TRERF1: variants seen among roughly 807,000 people sequenced by gnomAD.
TRERF1 encodes transcriptional-regulating factor 1.
A neutral mutation model predicts 122.9 loss-of-function variants in TRERF1; 27 were observed. The observed-to-expected ratio is 0.22, with a 90% CI of 0.16 to 0.30. The LOEUF (loss-of-function observed/expected upper bound fraction) is 0.30, where lower values mean the gene tolerates loss of function less well. Among genes scored for constraint, TRERF1 ranks in the 10% least tolerant of loss-of-function variants. TRERF1 has a pLI of 1.00. For missense variants in TRERF1, 1,248 were observed against 1,560.3 expected (o/e 0.80, Z 3.37); for synonymous variants, 636 against 641.7 (o/e 0.99, Z 0.13).
chr6:42,343,676 G>A (rs1296041185), intron 3 of TRERF1, among the ~76,000 whole-genome samples: 1 of 152,208 alleles, frequency 6.6e-6, no homozygotes, highest in African/African-American at 2.4e-5. Context: ...GAGAACTTCT[G>A]GAAGGAGGCA....
At chr6:42,423,792 C>T (rs1404362663) in intron 2 of TRERF1, among the ~76,000 whole-genome samples, 1 of 152,112 alleles carries the variant, frequency 6.6e-6, no homozygotes, top group Admixed American at 6.5e-5. Flanking sequence ...AAGCTGACTC[C>T]TCCTTGATCC....
chr6:42,322,588 C>CA (rs900629255), intron 3 of TRERF1, among the ~76,000 whole-genome samples: 1 of 151,914 alleles, frequency 6.6e-6, no homozygotes, highest in Non-Finnish European at 1.5e-5. Flanking sequence ...AGAGAACGAT[C>CA]AAAAGAGTTT....
exon 18 of TRERF1, chr6:42,227,201 G>C (rs1335399879): frequency 6.6e-6 from 1 of 152,196 alleles, no homozygotes; most frequent in Non-Finnish European, 1.5e-5. Context: ...TTATAGCTAA[G>C]GTGTATCTGA....
chr6:42,265,875 G>T, intron 5 of TRERF1, 78 bp from the exon 6 acceptor site: 1 of 1,436,518 alleles, frequency 7.0e-7, no homozygotes, highest in Non-Finnish European at 9.7e-7. Context: ...CTCGAGCAGT[G>T]GGAACACCAG....
chr6:42,338,843 C>T (rs1403363308), intron 3 of TRERF1, among the ~76,000 whole-genome samples: 1 of 152,204 alleles, frequency 6.6e-6, no homozygotes, highest in African/African-American at 2.4e-5. Context: ...TTCTCAGGAA[C>T]GTGAGCTTTT....
intron 3 of TRERF1, among the ~76,000 whole-genome samples, chr6:42,327,120 C>T (rs1718913391): frequency 1.3e-5 from 2 of 152,186 alleles, no homozygotes; most frequent in Non-Finnish European, 2.9e-5. Context: ...AAACTTAATA[C>T]CACCAGGATA....
chr6:42,378,458 A>C (rs901645949), intron 2 of TRERF1, among the ~76,000 whole-genome samples: 5 of 152,180 alleles, frequency 3.3e-5, no homozygotes, highest in Admixed American at 3.3e-4. Flanking sequence ...TACTTTTTTA[A>C]ACTGTCACCT....
chr6:42,348,162 A>C lies in TRERF1; in HGVS notation c.-371+14835T>G, dbSNP rs1050048753. On this transcript the variant is annotated intron_variant, in intron 3 of 17. Coordinates refer to ENST00000372922, the Ensembl canonical transcript of TRERF1. ...GAAACATACTTAACCCTGTAATGCA[A>C]GTCAGTGTGCACGTCTGTATAAACA... Among the ~76,000 whole-genome samples, 2 of 151,968 alleles carry C rather than the reference A, an allele frequency of 1.3e-5. 1 individual carries two copies. The highest frequency in any genetic ancestry group is 4.1e-4 in the South Asian group (2 of 4,824).
At chr6:42,309,085 G>T (rs980980426) in intron 3 of TRERF1, among the ~76,000 whole-genome samples, 1 of 152,104 alleles carries the variant, frequency 6.6e-6, no homozygotes, top group Non-Finnish European at 1.5e-5. Context: ...GGTCTGCGCT[G>T]GGCCCAGGGA....
At position 42,260,159 on chromosome 6, in the gene TRERF1, C is replaced by A. The variant is rs73733130; in HGVS notation, c.1885-436G>T. ...ATAATCTCTTCAGGGAAGCTGGGAC[C>A]GAGACCTGTGAGGCAGGAAGTGGGG... On this transcript the variant is annotated intron_variant, in intron 8 of 17. Coordinates refer to ENST00000372922, the Ensembl canonical transcript of TRERF1. Among the ~76,000 whole-genome samples, 487 of 152,058 alleles carry A rather than the reference C, an allele frequency of 3.2e-3. 5 individuals are homozygous for A. Among genetic ancestry groups the A allele is most frequent in the African/African-American group, 0.01 (424 of 41,480 alleles).
At position 42,259,535 on chromosome 6, in the gene TRERF1, G is replaced by A; in HGVS notation, c.2073C>T (p.Arg691=). 1.2e-6 allele frequency: 2 copies of A among 1,613,390 alleles called. No individual in the cohort carries two copies. The highest frequency in any genetic ancestry group is 2.2e-5 in the East Asian group (1 of 44,868). ...CCAGGAGCAGGTGGTCCCCGAGGAC[G>A]CGCGGGGAGCGCAGCTGGCTCTGGT... The change falls in exon 9 of 18, where the codon CGC becomes CGT. Residue 691 remains arginine, a synonymous_variant. Transcript: ENST00000372922. The surrounding 1 kb of genome is among the most constrained non-coding windows in gnomAD (Gnocchi z 4.9).
At chr6:42,253,591 C>T (rs560551924) in intron 13 of TRERF1, among the ~76,000 whole-genome samples, 8 of 152,116 alleles carry the variant, frequency 5.3e-5, no homozygotes, top group East Asian at 1.9e-4. Flanking sequence ...TTTAGGCCAC[C>T]GGAGAAGTGA....
chr6:42,339,682 G>GC (rs1766874413), intron 3 of TRERF1, among the ~76,000 whole-genome samples: 1 of 152,292 alleles, frequency 6.6e-6, no homozygotes, highest in South Asian at 2.1e-4. Context: ...TCAAGCCTCA[G>GC]CCAAACCCAT....
chr6:42,337,583 G>C (rs143008142), intron 3 of TRERF1, among the ~76,000 whole-genome samples: 4 of 152,178 alleles, frequency 2.6e-5, no homozygotes, highest in Non-Finnish European at 4.4e-5. Flanking sequence ...ACAGGCACGC[G>C]TAATGTGAGA....
At chr6:42,399,702 G>A (rs1163359600) in intron 2 of TRERF1, among the ~76,000 whole-genome samples, 1 of 152,198 alleles carries the variant, frequency 6.6e-6, no homozygotes, top group Non-Finnish European at 1.5e-5. Flanking sequence ...ACCAGAACTT[G>A]ACCATGGGGA....
chr6:42,256,137 A>G (rs1776705388), intron 12 of TRERF1, among the ~76,000 whole-genome samples: 1 of 151,122 alleles, frequency 6.6e-6, no homozygotes, highest in Admixed American at 6.6e-5. Context: ...TCTTAAAAAA[A>G]AAAAAAAAAA....
chr6:42,345,875 C>T (rs943095095), intron 3 of TRERF1, among the ~76,000 whole-genome samples: 1 of 152,226 alleles, frequency 6.6e-6, no homozygotes, highest in Non-Finnish European at 1.5e-5. Context: ...TTACACATCC[C>T]CTGTCACCTG....
intron 3 of TRERF1, among the ~76,000 whole-genome samples, chr6:42,332,628 T>C (rs1262453975): frequency 6.6e-6 from 1 of 152,166 alleles, no homozygotes; most frequent in African/African-American, 2.4e-5. Flanking sequence ...ATAGGACCTC[T>C]CTTCCCACCA....
intron 4 of TRERF1, among the ~76,000 whole-genome samples, chr6:42,277,905 G>GGAAGAAGGAAGAA (rs1554141678): frequency 6.2e-4 from 53 of 85,050 alleles, no homozygotes; most frequent in African/African-American, 1.4e-3. Context: ...GAAGGAAGAA[G>GGAAGAAGGAAGAA]GAAGAAGAAG....
Sources: gnomAD v4.1 joint callset for allele counts (sites outside exome capture counted in the v4.1 genomes callset) on GRCh38, gnomAD v4.1.1 for gene constraint, Gnocchi (gnomAD v3.1) non-coding constraint, MANE v1.5 for transcripts, NCBI Gene and HGNC (gene_info 2026-07-23, HGNC 2026-07-21) for gene names.